The following VPS41 variants were observed in gnomAD, a reference collection of about 807,000 sequenced individuals.
VPS41 encodes the protein VPS41 subunit of HOPS complex.
VPS41 carries 85 observed loss-of-function variants against 130.9 expected under a neutral mutation model. That is an observed-to-expected ratio of 0.65 (90% confidence interval 0.55 to 0.78). The LOEUF is 0.78. Among genes scored for constraint, VPS41 ranks in the 30% least tolerant of loss-of-function variants. The pLI, the probability that VPS41 is intolerant of heterozygous loss-of-function variation, is 0.00. For missense variants in VPS41, 874 were observed against 1,018.7 expected (o/e 0.86, Z 1.93); for synonymous variants, 335 against 332.9 (o/e 1.01, Z -0.07).
intron 7 of VPS41, among the ~76,000 whole-genome samples, chr7:38,812,740 A>T (rs374771237): frequency 6.6e-6 from 1 of 152,150 alleles, no homozygotes; most frequent in East Asian, 1.9e-4. Flanking sequence ...CTGAATAAAC[A>T]TTTCTCCAAA....
At chr7:38,821,114 T>C in intron 6 of VPS41, 89 bp downstream of exon 6, 13 of 955,202 alleles carry the variant, frequency 1.4e-5, no homozygotes, top group Middle Eastern at 2.2e-4. Flanking sequence ...ACAAAATTAA[T>C]ACAGAAGTGG....
In VPS41 at chr7:38,745,550, G is replaced by T; in HGVS notation, c.1981+9C>A. On this transcript the variant is annotated intron_variant, in intron 23 of 28. Coordinates refer to ENST00000310301, the MANE Select transcript of VPS41 (RefSeq NM_014396.4). Reference sequence around the variant, plus strand: ...TTTATGGGGACCAAAATGAATAAAAGCTACTTACTCAGAAGATAAACTGTC... The same window carrying T: ...TTTATGGGGACCAAAATGAATAAAATCTACTTACTCAGAAGATAAACTGTC... 6.2e-7 allele frequency: 1 copy of T among 1,607,912 alleles called. No individual in the cohort carries two copies. Among genetic ancestry groups the T allele is most frequent in the Non-Finnish European group, 8.5e-7 (1 of 1,176,104 alleles).
rs951468677 is a variant in VPS41, at chr7:38,743,530, T to C, written c.1994A>G (p.Asn665Ser). Residue 665 changes from asparagine to serine, a missense_variant, in exon 24 of 29, where the codon AAT becomes AGT. By Grantham distance (46) the Asn-to-Ser change is conservative. Coordinates refer to ENST00000310301, the MANE Select transcript of VPS41 (RefSeq NM_014396.4). ...ETVYLLSRMG[N>S]SRSALKMIME... is the part of the protein sequence containing the mutation. ...AATCATCTTCAGGGCACTTCGGCTA[T>C]TACCCATTCGGCCTTGGTGGGGTGA... is the stretch of plus-strand genomic sequence containing the variant. 2.0e-5 allele frequency: 33 copies of C among 1,613,842 alleles called. No homozygotes were observed. Among genetic ancestry groups the C allele is most frequent in the Non-Finnish European group, 2.7e-5 (32 of 1,179,800 alleles).
At chr7:38,831,318 A>T in intron 4 of VPS41, 1 of 442,496 alleles carries the variant, frequency 2.3e-6, no homozygotes, top group Non-Finnish European at 4.6e-6. Context: ...TACTGTCCAC[A>T]TGCAGCCTTT....
At chr7:38,880,048 G>A (rs916171058) in intron 2 of VPS41, among the ~76,000 whole-genome samples, 1 of 152,142 alleles carries the variant, frequency 6.6e-6, no homozygotes, top group Admixed American at 6.5e-5. Context: ...TGGTTACCTT[G>A]CCTTTTGTGA....
At chr7:38,907,741 G>A (rs112827869) in intron 1 of VPS41, among the ~76,000 whole-genome samples, 5 of 152,088 alleles carry the variant, frequency 3.3e-5, no homozygotes, top group Middle Eastern at 3.4e-3. Context: ...GTTTTTCTAG[G>A]AGCAACTCTC....
At chr7:38,761,068 G>A (rs550172371) in intron 17 of VPS41, among the ~76,000 whole-genome samples, 1 of 152,034 alleles carries the variant, frequency 6.6e-6, no homozygotes, top group East Asian at 1.9e-4. Flanking sequence ...CAGAAATTTG[G>A]GAATGGATTC....
Position 38,831,256 on chromosome 7 carries a change from T to A in VPS41, c.247-928A>T, listed in dbSNP as rs1396035109. 30 of 471,132 alleles carry A rather than the reference T, an allele frequency of 6.4e-5. No individual in the cohort carries two copies. In the East Asian group the frequency reaches 2.1e-3, roughly 33 times the overall value. 29.2% of individuals were successfully genotyped at this position (471,132 alleles called of 1,614,324 possible). A position where few individuals can be genotyped will look rare whatever the true frequency, so the allele number is the denominator to read the frequency against. ...CTTTGGCATCTGGTTGTAAGCTGCC[T>A]CAAATTATAATTTAGTAAGTGTGTG... On this transcript the variant is annotated intron_variant, in intron 4 of 28. Transcript: ENST00000310301.
intron 13 of VPS41, among the ~76,000 whole-genome samples, 185 bp from the exon 14 acceptor site, chr7:38,771,439 G>T (rs1784152083): frequency 6.6e-6 from 1 of 152,168 alleles, no homozygotes; most frequent in Admixed American, 6.5e-5. Context: ...CATTGGAATT[G>T]TTAATGCTAT....
At chr7:38,726,817 C>A in intron 28 of VPS41, 92 bp downstream of exon 28, 1 of 1,125,622 alleles carries the variant, frequency 8.9e-7, no homozygotes, top group Non-Finnish European at 1.2e-6. Context: ...TTAACCCATA[C>A]AGCCATAAGG....
rs1795887519 is a variant in VPS41, at chr7:38,741,904, C to T, written c.2259+81G>A. The T allele has an allele frequency of 1.2e-5, 18 of 1,517,058 alleles. No homozygotes were observed. The South Asian group carries it at 1.8e-4, about 15-fold the overall frequency. The allele number at this position is 1,517,058 out of a possible 1,614,324, so 94.0% of individuals were successfully genotyped here. The stretch of plus-strand genomic sequence containing the variant: ...TAAAATCGAAAGTTTTTAACTGATA[C>T]CTAACATAAACCCTAGAAATATTTA... On this transcript the variant is annotated intron_variant, in intron 25 of 28. Transcript: ENST00000310301.
chr7:38,869,041 G>T, intron 3 of VPS41, 105 bp downstream of exon 3: 2 of 802,240 alleles, frequency 2.5e-6, no homozygotes. Flanking sequence ...CAAGGAGACA[G>T]AATCACTGTA....
intron 7 of VPS41, among the ~76,000 whole-genome samples, chr7:38,814,575 G>A (rs984108563): frequency 3.3e-5 from 5 of 152,050 alleles, no homozygotes; most frequent in Non-Finnish European, 7.4e-5. Flanking sequence ...GCGTGAACCC[G>A]GCAGGCAGAG....
intron 2 of VPS41, among the ~76,000 whole-genome samples, chr7:38,869,760 C>G (rs1326575322): frequency 2.6e-5 from 4 of 152,082 alleles, no homozygotes; most frequent in Non-Finnish European, 5.9e-5. Context: ...TAAAAATAAT[C>G]TACTCATTGA....
rs367724129 is a variant in VPS41, at chr7:38,816,990, C to T, written c.450+827G>A. Among the ~76,000 whole-genome samples, 14 of 152,304 alleles carry T rather than the reference C, an allele frequency of 9.2e-5. No individual in the cohort carries two copies. The South Asian group carries it at 2.7e-3, about 29-fold the overall frequency. Reference sequence around the variant, plus strand: ...CTCCCAGCCTCAAGTGATCCTCCCACCTTGGCCTCCCAAAATGTTGGAATC... The same window carrying T: ...CTCCCAGCCTCAAGTGATCCTCCCATCTTGGCCTCCCAAAATGTTGGAATC... On this transcript the variant is annotated intron_variant, in intron 7 of 28. Coordinates refer to ENST00000310301, the MANE Select transcript of VPS41 (RefSeq NM_014396.4).
At chr7:38,908,171 A>G (rs769774951) in intron 1 of VPS41, among the ~76,000 whole-genome samples, 3 of 152,196 alleles carry the variant, frequency 2.0e-5, no homozygotes, top group Non-Finnish European at 4.4e-5. Context: ...GCCCATCATC[A>G]AGTCACTGTT....
intron 7 of VPS41, among the ~76,000 whole-genome samples, chr7:38,814,990 C>G (rs1215952922): frequency 6.6e-6 from 1 of 152,166 alleles, no homozygotes; most frequent in African/African-American, 2.4e-5. Context: ...CCAATTGAAC[C>G]CTCATGAGCA....
chr7:38,757,041 A>C, intron 18 of VPS41, 59 bp from the exon 19 acceptor site: 4 of 1,312,164 alleles, frequency 3.0e-6, no homozygotes, highest in Non-Finnish European at 4.3e-6. Context: ...AAACACACAC[A>C]GAGAGATCAT....
At chr7:38,866,430 T>C (rs575925473) in intron 3 of VPS41, among the ~76,000 whole-genome samples, 123 of 152,190 alleles carry the variant, frequency 8.1e-4, no homozygotes, top group Middle Eastern at 6.8e-3. Flanking sequence ...GCAAGAGTAG[T>C]AAGAAAATCA....
Sources: gnomAD v4.1 joint callset for allele counts (sites outside exome capture counted in the v4.1 genomes callset) on GRCh38, gnomAD v4.1.1 for gene constraint, MANE v1.5 for transcripts, NCBI Gene and HGNC (gene_info 2026-07-23, HGNC 2026-07-21) for gene names.